Variants in PALM2AKAP2 observed in about 807,000 individuals in gnomAD.
The protein encoded by PALM2AKAP2 is PALM2 and AKAP2 fusion, also known as PALM2-AKAP2 fusion protein.
PALM2AKAP2 carries 37 observed loss-of-function variants against 71.5 expected under a neutral mutation model. That is an observed-to-expected ratio of 0.52 (90% CI 0.40 to 0.68). PALM2AKAP2 has a LOEUF of 0.68. PALM2AKAP2 is among the 30% of genes least tolerant of loss of function. The pLI, the probability that PALM2AKAP2 is intolerant of heterozygous loss-of-function variation, is 0.00. For synonymous variants in PALM2AKAP2, 468 were observed against 478.8 expected, an observed-to-expected ratio of 0.98 and a Z score of 0.29; for missense variants, 1,224 against 1,191.8, an observed-to-expected ratio of 1.03 and a Z score of -0.40.
At chr9:110,118,316 G>A (rs996358480) in intron 1 of PALM2AKAP2, among the ~76,000 whole-genome samples, 20 of 151,750 alleles carry the variant, frequency 1.3e-4, no homozygotes, top group African/African-American at 4.4e-4. Context: ...GCACAATCTC[G>A]GCTCACTGCA....
chr9:109,801,939 C>T (rs1296235925), intron 1 of PALM2AKAP2, among the ~76,000 whole-genome samples: 2 of 152,040 alleles, frequency 1.3e-5, no homozygotes, highest in South Asian at 2.1e-4. Flanking sequence ...GGGGTGATCC[C>T]CCCAAAATCA....
chr9:110,056,893 T>G (rs1329195167), intron 1 of PALM2AKAP2, among the ~76,000 whole-genome samples: 1 of 152,176 alleles, frequency 6.6e-6, no homozygotes, highest in East Asian at 1.9e-4. Flanking sequence ...ATCTATAGCC[T>G]CCAAAGGATG....
intron 2 of PALM2AKAP2, among the ~76,000 whole-genome samples, chr9:110,146,547 G>T (rs1030902041): frequency 6.6e-6 from 1 of 152,182 alleles, no homozygotes; most frequent in Non-Finnish European, 1.5e-5. Context: ...TGACAGAGAG[G>T]AGGTGAATCA....
chr9:110,025,207 C>T (rs1052207663), intron 7 of PALM2AKAP2: 5 of 1,265,752 alleles, frequency 4.0e-6, no homozygotes, highest in Non-Finnish European at 5.7e-6. Context: ...GTGGGGCATT[C>T]CTTTTTGAAC....
chr9:110,068,259 T>G lies in PALM2AKAP2; in HGVS notation c.156+19404T>G, dbSNP rs1189379496. Among the ~76,000 whole-genome samples the G allele has an allele frequency of 4.0e-5, 6 of 150,162 alleles. 1 individual carries two copies. Among genetic ancestry groups the G allele is most frequent in the African/African-American group, 1.5e-4 (6 of 39,580 alleles). On this transcript the variant is annotated intron_variant, in intron 1 of 3. Coordinates refer to ENST00000374525, the Ensembl canonical transcript of PALM2AKAP2. ...CCAGCAGATTTCACTTGGCTGATTT[T>G]GTTTTTCTGTTCTTTTTCTGTTTTC... is the stretch of plus-strand genomic sequence containing the variant.
intron 1 of PALM2AKAP2, among the ~76,000 whole-genome samples, chr9:109,764,855 A>G (rs932334301): frequency 1.3e-5 from 2 of 152,182 alleles, no homozygotes; most frequent in Admixed American, 6.5e-5. Flanking sequence ...GTCAGGAATC[A>G]TTTGGAACTA....
At chr9:109,908,132 T>C (rs1830489682) in intron 3 of PALM2AKAP2, among the ~76,000 whole-genome samples, 1 of 152,224 alleles carries the variant, frequency 6.6e-6, no homozygotes, top group Non-Finnish European at 1.5e-5. Context: ...GTGGATGCCA[T>C]AGCAATACAT....
At chr9:109,965,674 T>A (rs1018930770) in intron 6 of PALM2AKAP2, among the ~76,000 whole-genome samples, 3 of 152,088 alleles carry the variant, frequency 2.0e-5, no homozygotes, top group African/African-American at 7.2e-5. Context: ...TGCACAACAG[T>A]GTGAATGTAC....
At chr9:109,845,919 C>A (rs1828840493) in intron 1 of PALM2AKAP2, among the ~76,000 whole-genome samples, 1 of 152,102 alleles carries the variant, frequency 6.6e-6, no homozygotes, top group African/African-American at 2.4e-5. Context: ...GGATATAGAG[C>A]AGGACAATCA....
chr9:109,686,943 T>C (rs1827814018), intron 1 of PALM2AKAP2, among the ~76,000 whole-genome samples: 3 of 152,170 alleles, frequency 2.0e-5, no homozygotes, highest in South Asian at 4.2e-4. Context: ...TTTTTTGTCC[T>C]TGTGATAGTT....
At chr9:109,653,682 A>G (rs1481176774) in intron 1 of PALM2AKAP2, among the ~76,000 whole-genome samples, 3 of 152,266 alleles carry the variant, frequency 2.0e-5, no homozygotes, top group East Asian at 1.9e-4. Context: ...TGTGTTCCCA[A>G]CAAGCTTCCC....
At chr9:109,942,926 G>A in intron 6 of PALM2AKAP2, 2 of 1,614,178 alleles carry the variant, frequency 1.2e-6, no homozygotes, top group Non-Finnish European at 1.7e-6. Flanking sequence ...TCAAGCTTAG[G>A]AGGAGGGCAC....
intron 1 of PALM2AKAP2, among the ~76,000 whole-genome samples, chr9:109,863,887 C>T (rs972952555): frequency 6.6e-6 from 1 of 152,108 alleles, no homozygotes; most frequent in Non-Finnish European, 1.5e-5. Context: ...TGAGACCAGC[C>T]TGGCCAACAT....
At chr9:110,129,289 G>C (rs762697605) in intron 1 of PALM2AKAP2, among the ~76,000 whole-genome samples, 4 of 152,206 alleles carry the variant, frequency 2.6e-5, no homozygotes, top group Non-Finnish European at 2.9e-5. Context: ...CACATCATCT[G>C]TAGAGATTCA....
chr9:110,138,607 G>A (rs1464391114), intron 2 of PALM2AKAP2, 68 bp downstream of exon 8: 1 of 1,472,500 alleles, frequency 6.8e-7, no homozygotes, highest in Non-Finnish European at 9.0e-7. Flanking sequence ...CCAGCTCATG[G>A]GTTTCTATGT....
intron 6 of PALM2AKAP2, among the ~76,000 whole-genome samples, chr9:109,973,261 T>G (rs1301208698): frequency 1.3e-5 from 2 of 152,246 alleles, no homozygotes; most frequent in East Asian, 3.8e-4. Flanking sequence ...AAAGGTTTAC[T>G]AAACCCTTGC....
At chr9:109,759,754 T>G (rs1348756965) in intron 1 of PALM2AKAP2, among the ~76,000 whole-genome samples, 1 of 152,176 alleles carries the variant, frequency 6.6e-6, no homozygotes, top group Non-Finnish European at 1.5e-5. Context: ...CTTAGGGAAA[T>G]TATCAATCTC....
intron 6 of PALM2AKAP2, among the ~76,000 whole-genome samples, chr9:109,969,938 G>A (rs1474461714): frequency 6.6e-6 from 1 of 152,188 alleles, no homozygotes; most frequent in Non-Finnish European, 1.5e-5. Flanking sequence ...TTGACCAAAA[G>A]TAGCCTCTGC....
chr9:109,653,864 A>AT (rs1827259764), intron 1 of PALM2AKAP2, among the ~76,000 whole-genome samples: 1 of 152,224 alleles, frequency 6.6e-6, no homozygotes, highest in Non-Finnish European at 1.5e-5. Context: ...CTGATGATGA[A>AT]TTGGAGTTCA....
Sources: gnomAD v4.1 joint callset for allele counts (sites outside exome capture counted in the v4.1 genomes callset) on GRCh38, gnomAD v4.1.1 for gene constraint, MANE v1.5 for transcripts, NCBI Gene and HGNC (gene_info 2026-07-23, HGNC 2026-07-21) for gene names.